The following ATG2B variants were observed in gnomAD, a reference collection of about 807,000 sequenced individuals.
The protein encoded by ATG2B is autophagy related 2B.
In ATG2B, 121 loss-of-function variants were observed where a neutral mutation model predicts 241.3. That is an observed-to-expected ratio of 0.50 (90% CI 0.43 to 0.58). The LOEUF (loss-of-function observed/expected upper bound fraction) is 0.58. ATG2B is among the 20% of genes least tolerant of loss of function. The probability of loss-of-function intolerance (pLI) is 0.00; values close to 1 mark genes in which losing one functional copy is unlikely to be tolerated. For missense variants in ATG2B, 2,306 were observed against 2,491.6 expected, an observed-to-expected ratio of 0.93 and a Z score of 1.59; for synonymous variants, 858 against 876.6, an observed-to-expected ratio of 0.98 and a Z score of 0.37.
Position 96,322,565 on chromosome 14 carries a change from C to A in ATG2B, c.2711G>T (p.Arg904Leu), listed in dbSNP as rs753024598. ...RRPAPSPFSSRRVMFENEQMV... is the reference protein window; with the variant it reads ...RRPAPSPFSSLRVMFENEQMV... ...CTGTTCATTTTCAAACATTACTCTA[C>A]GAGAAGAAAAAGGAGATGGGGCTGG... The change falls in exon 17 of 42, where the codon CGT becomes CTT. Residue 904 changes from arginine (R) to leucine (L), a missense_variant. By Grantham distance (102) the Arg-to-Leu change is moderately radical. This residue lies in a region of ATG2B where 1,927 missense variants were observed against 2,011.2 expected (regional missense o/e 0.96). Transcript: ENST00000359933. 2 of 1,612,082 alleles carry A rather than the reference C, an allele frequency of 1.2e-6. No individual in the cohort carries two copies. Among genetic ancestry groups the A allele is most frequent in the African/African-American group, 1.3e-5 (1 of 74,956 alleles).
Position 96,329,606 on chromosome 14 carries a change from AG to A in ATG2B, c.1758del (p.Tyr587MetfsTer43). On this transcript the variant is annotated frameshift_variant, in exon 12 of 42. Coordinates refer to ENST00000359933, the MANE Select transcript of ATG2B (RefSeq NM_018036.7). LOFTEE classifies it high-confidence loss of function. ...LRFIGTGIKV[S>X]YEQRQRSASR... The stretch of plus-strand genomic sequence containing the variant: ...GAAGCTGATCTTTGTCTTTGTTCAT[AG>A]GATACTTTAATGCCAGTACCTATAA... 1 of 1,607,622 alleles carries A rather than the reference AG, an allele frequency of 6.2e-7. No homozygotes were observed. Among genetic ancestry groups the A allele is most frequent in the Non-Finnish European group, 8.5e-7 (1 of 1,174,606 alleles).
chr14:96,340,256 CTATATATGGACCCATA>C (rs1887998506), intron 6 of ATG2B, among the ~76,000 whole-genome samples: 1 of 142,910 alleles, frequency 7.0e-6, no homozygotes, highest in Non-Finnish European at 1.6e-5. Context: ...TGGACTCATC[CTATATATGGACCCATA>C]TATGGACCAA....
intron 1 of ATG2B, among the ~76,000 whole-genome samples, chr14:96,356,749 C>A (rs1888485260): frequency 6.6e-6 from 1 of 151,918 alleles, no homozygotes; most frequent in African/African-American, 2.4e-5. Flanking sequence ...TTTCTTGAAT[C>A]TGGGGCAGTG....
chr14:96,304,406 A>T, intron 32 of ATG2B, 89 bp downstream of exon 32: 2 of 919,092 alleles, frequency 2.2e-6, no homozygotes, highest in Non-Finnish European at 3.5e-6. Context: ...GTTGGGACTT[A>T]AGGCTCAAGA....
rs764169075 is a variant in ATG2B at position 96,312,161 on chromosome 14, T to A, written c.3843-2A>T. ...AAAGCAGCTTCATCCAAGATTATTCTGAGGCAAGAAAGATAAAACCAACAT... is the reference window on the plus strand; with the variant it reads ...AAAGCAGCTTCATCCAAGATTATTCAGAGGCAAGAAAGATAAAACCAACAT... On this transcript the variant is annotated splice_acceptor_variant, in intron 25 of 41. Transcript: ENST00000359933. LOFTEE classifies it high-confidence loss of function. The A allele has an allele frequency of 6.3e-7, 1 of 1,597,740 alleles. No individual in the cohort carries two copies. The highest frequency in any genetic ancestry group is 1.8e-5 in the Admixed American group (1 of 55,178).
At chr14:96,346,435 T>C (rs1475320904) in intron 2 of ATG2B, among the ~76,000 whole-genome samples, 2 of 152,242 alleles carry the variant, frequency 1.3e-5, no homozygotes, top group Non-Finnish European at 2.9e-5. Context: ...AGATAGAATA[T>C]TCTTGTAAAT....
intron 35 of ATG2B, 89 bp from the exon 36 acceptor site, chr14:96,295,256 CATTTT>C (rs1886603991): frequency 3.2e-6 from 4 of 1,232,530 alleles, no homozygotes; most frequent in Non-Finnish European, 4.6e-6. Flanking sequence ...TGTTTTTCTA[CATTTT>C]ATTTAATCAA....
rs754678613 is a variant in ATG2B, at chr14:96,333,795, T to G, written c.1100A>C (p.Gln367Pro). Residue 367 changes from glutamine to proline, a missense_variant, in exon 8 of 42, where the codon CAG becomes CCG. Gln to Pro is a moderately conservative substitution (Grantham distance 76). Coordinates refer to ENST00000359933, the MANE Select transcript of ATG2B (RefSeq NM_018036.7). ...PMQQEDEYRI[Q>P]MELNRYYLRK... Reference sequence around the variant, plus strand: ...CAAATAATACCGGTTTAATTCCATCTGAATTCGATACTCGTCTTCCTGCTG... The same window carrying G: ...CAAATAATACCGGTTTAATTCCATCGGAATTCGATACTCGTCTTCCTGCTG... 1.9e-6 allele frequency: 3 copies of G among 1,613,882 alleles called. No individual in the cohort carries two copies. The highest frequency in any genetic ancestry group is 2.5e-6 in the Non-Finnish European group (3 of 1,179,900).
rs533261622 is a variant in ATG2B, at chr14:96,340,302, T to A, written c.924+1220A>T. Among the ~76,000 whole-genome samples the A allele has an allele frequency of 4.7e-5, 7 of 150,448 alleles. No individual in the cohort carries two copies. In the Admixed American group the frequency reaches 4.7e-4, roughly 10 times the overall value. On this transcript the variant is annotated intron_variant, in intron 6 of 41. Transcript: ENST00000359933. ...GACCAAAATATGGACTCATCCTACA[T>A]ATCCATCAACAGATGAATGGATAAA...
At position 96,341,598 on chromosome 14, in the gene ATG2B, A is replaced by G. The variant is rs766934318; in HGVS notation, c.848T>C (p.Val283Ala). 1.2e-6 allele frequency: 2 copies of G among 1,607,358 alleles called. No individual in the cohort carries two copies. Among genetic ancestry groups the G allele is most frequent in the South Asian group, 2.2e-5 (2 of 89,914 alleles). ...NLPEIAPSDP[V>A]QIGRLIGRLE... ...CCTACCAATTAACCGTCCAATCTGC[A>G]CTGGGTCAGAAGGTGCTATCTCTGG... The change falls in exon 6 of 42, where the codon GTG becomes GCG. Residue 283 changes from valine (V) to alanine (A), a missense_variant. Physicochemically the swap from Val to Ala is moderately conservative, Grantham distance 64. This residue lies in a region of ATG2B where 1,927 missense variants were observed against 2,011.2 expected (regional missense o/e 0.96). Coordinates refer to ENST00000359933, the MANE Select transcript of ATG2B (RefSeq NM_018036.7).
chr14:96,319,084 C>T (rs914030342), intron 18 of ATG2B, among the ~76,000 whole-genome samples: 1 of 152,162 alleles, frequency 6.6e-6, no homozygotes, highest in African/African-American at 2.4e-5. Flanking sequence ...GTCAAGGCGC[C>T]GCGTGGTGAG....
At chr14:96,316,397 C>T (rs1887314104) in intron 21 of ATG2B, 136 bp downstream of exon 21, 1 of 854,736 alleles carries the variant, frequency 1.2e-6, no homozygotes, top group East Asian at 2.8e-5. Context: ...GTAAATATTA[C>T]TTTGACAGCA....
At position 96,313,062 on chromosome 14, in the gene ATG2B, T is replaced by C. The variant is rs1407140482; in HGVS notation, c.3842+3A>G. The stretch of plus-strand genomic sequence containing the variant: ...TAGTATACAATGAAGTTTACACAGG[T>C]ACCTGAGAGTAGAGGAAGATTTATC... On this transcript the variant is annotated splice_donor_region_variant and intron_variant, in intron 25 of 41. Transcript: ENST00000359933. The C allele has an allele frequency of 1.3e-6, 2 of 1,584,296 alleles. No individual in the cohort carries two copies. Among genetic ancestry groups the C allele is most frequent in the South Asian group, 1.1e-5 (1 of 90,396 alleles).
At chr14:96,322,069 A>G (rs755216687) in intron 18 of ATG2B, 43 bp downstream of exon 18, 2 of 1,423,132 alleles carry the variant, frequency 1.4e-6, no homozygotes, top group Non-Finnish European at 9.3e-7. Flanking sequence ...AGGCAATTAG[A>G]AAATCTGATT....
In ATG2B at chr14:96,311,307, A is replaced by G; in HGVS notation, c.3991-20T>C. On this transcript the variant is annotated intron_variant, in intron 27 of 41. Coordinates refer to ENST00000359933, the MANE Select transcript of ATG2B (RefSeq NM_018036.7). ...CTCAGTCTGGACAAGACACAGAAAA[A>G]GGGATGAAAATGTTTTCCAAATGAG... 1.9e-6 allele frequency: 3 copies of G among 1,582,342 alleles called. No individual in the cohort carries two copies. Among genetic ancestry groups the G allele is most frequent in the Non-Finnish European group, 2.6e-6 (3 of 1,166,076 alleles).
chr14:96,352,537 C>T (rs1336734376), intron 1 of ATG2B, among the ~76,000 whole-genome samples: 2 of 151,516 alleles, frequency 1.3e-5, no homozygotes, highest in Admixed American at 6.6e-5. Context: ...AAGGTGGTGA[C>T]ATTGATGATC....
intron 1 of ATG2B, among the ~76,000 whole-genome samples, chr14:96,351,901 CAA>C (rs35331211): frequency 8.4e-5 from 11 of 130,822 alleles, no homozygotes; most frequent in Non-Finnish European, 1.1e-4. Context: ...GACCTTGTCT[CAA>C]AAAAAAAAAA....
rs1887572643 is a variant in ATG2B at position 96,325,784 on chromosome 14, C to T, written c.2302G>A (p.Gly768Arg). The T allele has an allele frequency of 6.2e-7, 1 of 1,613,884 alleles. No individual in the cohort carries two copies. ...TGAAGTGACTTCTTAAACCATGGTC[C>T]TCTTTCTTGATCAGATCGAAGATCA... ...IPDLRSDQER[G>R]PWFKKSLQKE... Residue 768 changes from glycine to arginine, a missense_variant, in exon 15 of 42, where the codon GGA (glycine) becomes AGA (arginine). Gly to Arg is a moderately radical substitution (Grantham distance 125). Transcript: ENST00000359933.
rs1888092670 is a variant in ATG2B at position 96,343,295 on chromosome 14, A to G, written c.582-14T>C. On this transcript the variant is annotated splice_polypyrimidine_tract_variant and intron_variant, in intron 4 of 41. Transcript: ENST00000359933. ...CAGTACACAGTTCTGAAATTTTTTT[A>G]AAAAGCATTTACAAAAAGCTCCTAG... 1 of 1,549,380 alleles carries G rather than the reference A, an allele frequency of 6.5e-7. No individual in the cohort carries two copies. The highest frequency in any genetic ancestry group is 8.7e-7 in the Non-Finnish European group (1 of 1,147,538).
Sources: allele counts gnomAD v4.1 joint callset (sites outside exome capture counted in the v4.1 genomes callset), GRCh38; gene constraint gnomAD v4.1.1; regional missense constraint gnomAD v4.1.1; transcripts MANE v1.5; gene names NCBI Gene and HGNC (gene_info 2026-07-23, HGNC 2026-07-21).